MYRIP: variants seen among roughly 807,000 people sequenced by gnomAD.
MYRIP encodes the protein rab effector MyRIP.
A neutral mutation model predicts 98.0 loss-of-function variants in MYRIP; 49 were observed. The ratio of observed to expected loss-of-function variants is 0.50; its 90% confidence interval spans 0.40 to 0.63. The LOEUF is 0.63. MYRIP is among the 30% of genes least tolerant of loss of function. The pLI, the probability that MYRIP is intolerant of heterozygous loss-of-function variation, is 0.00. For synonymous variants in MYRIP, 404 were observed against 409.5 expected, an observed-to-expected ratio of 0.99 and a Z score of 0.16; for missense variants, 1,004 against 1,058.2, an observed-to-expected ratio of 0.95 and a Z score of 0.71.
chr3:40,108,411 C>T (rs1279444142), intron 3 of MYRIP, among the ~76,000 whole-genome samples: 1 of 148,912 alleles, frequency 6.7e-6, no homozygotes, highest in African/African-American at 2.5e-5. Context: ...ACAGGCATGA[C>T]CCTGGGGTGA....
rs2125629997 is a variant in MYRIP at position 40,190,253 on chromosome 3, T to G, written c.1455T>G (p.Ala485=). The change falls in exon 10 of 17, where the codon GCT becomes GCG. Residue 485 remains alanine (A), a synonymous_variant. Transcript: ENST00000302541. Reference sequence around the variant, plus strand: ...GGAAGGCCCCCAGGAACCCTGCAGCTGAGAAGATGCGCTTGCATGGAGAGC... The same window carrying G: ...GGAAGGCCCCCAGGAACCCTGCAGCGGAGAAGATGCGCTTGCATGGAGAGC... The part of the protein sequence containing the change: ...LQRKAPRNPA[A]EKMRLHGELD... The G allele has an allele frequency of 6.2e-7, 1 of 1,613,914 alleles. No individual in the cohort carries two copies. The highest frequency in any genetic ancestry group is 2.2e-5 in the East Asian group (1 of 44,802).
Position 40,161,532 on chromosome 3 carries a change from C to T in MYRIP, c.470-1198C>T, listed in dbSNP as rs540509937. Among the ~76,000 whole-genome samples the T allele has an allele frequency of 2.2e-4, 33 of 152,238 alleles. No homozygotes were observed. In the South Asian group the frequency reaches 5.6e-3, roughly 26 times the overall value. On this transcript the variant is annotated intron_variant, in intron 4 of 16. Transcript: ENST00000302541. ...CACTGTCTCCCTTCTCTGTTGCCTC[C>T]CCCTCCCCTTGGTCTTGCATCTTAT...
rs561995812 is a variant in MYRIP, at chr3:40,122,615, A to C, written c.333-28433A>C. The stretch of plus-strand genomic sequence containing the variant: ...TCATATTAAATTCACATTTAAATAT[A>C]CTTAGTACAACTTTTTCTCATTCAT... On this transcript the variant is annotated intron_variant, in intron 3 of 16. Coordinates refer to ENST00000302541, the MANE Select transcript of MYRIP (RefSeq NM_015460.4). Among the ~76,000 whole-genome samples, 3 of 152,038 alleles carry C rather than the reference A, an allele frequency of 2.0e-5. No homozygotes were observed. The South Asian group carries it at 6.2e-4, about 31-fold the overall frequency.
At chr3:40,072,833 T>TA (rs11339535) in intron 3 of MYRIP, among the ~76,000 whole-genome samples, 3 of 151,788 alleles carry the variant, frequency 2.0e-5, no homozygotes, top group African/African-American at 7.3e-5. Flanking sequence ...TGTTCTTTTT[T>TA]AAAAAAAAAT....
At chr3:40,220,924 C>A (rs1053650516) in intron 11 of MYRIP, among the ~76,000 whole-genome samples, 1 of 151,678 alleles carries the variant, frequency 6.6e-6, no homozygotes, top group Non-Finnish European at 1.5e-5. Context: ...CACTTTCCAC[C>A]AGGCCCCACC....
chr3:39,872,654 A>G (rs1053139303), intron 1 of MYRIP, among the ~76,000 whole-genome samples: 4 of 151,998 alleles, frequency 2.6e-5, no homozygotes, highest in Non-Finnish European at 5.9e-5. Context: ...ATGTCCCTAC[A>G]AAGGACATGA....
rs1454197676 is a variant in MYRIP at position 40,259,734 on chromosome 3, T to TAACA, written c.*1569_*1572dup. The TAACA allele has an allele frequency of 6.6e-6, 1 of 152,590 alleles. No individual in the cohort carries two copies. Among genetic ancestry groups the TAACA allele is most frequent in the Admixed American group, 6.5e-5 (1 of 15,286 alleles). 9.5% of individuals were successfully genotyped at this position (152,590 alleles called of 1,614,324 possible). On this transcript the variant is annotated 3_prime_UTR_variant, in exon 17 of 17. Transcript: ENST00000302541. ...TGCTGATGCTGTGTTATGTGTCATC[T>TAACA]AACAGAAATGACTCCTTTGAAATAA...
chr3:40,135,097 G>A (rs1439391631), intron 3 of MYRIP, among the ~76,000 whole-genome samples: 1 of 152,126 alleles, frequency 6.6e-6, no homozygotes, highest in Non-Finnish European at 1.5e-5. Context: ...GCTACAGGAG[G>A]AAGTTTGAAC....
intron 3 of MYRIP, among the ~76,000 whole-genome samples, chr3:40,070,551 G>A (rs537174977): frequency 4.6e-5 from 7 of 152,224 alleles, no homozygotes; most frequent in African/African-American, 1.2e-4. Flanking sequence ...GACTGATACC[G>A]GTCTGCAAGC....
chr3:40,010,313 G>C (rs1172090723), intron 2 of MYRIP, among the ~76,000 whole-genome samples: 1 of 152,240 alleles, frequency 6.6e-6, no homozygotes, highest in African/African-American at 2.4e-5. Flanking sequence ...GCCTCTGAGA[G>C]TGGCAGCTGA....
In MYRIP at chr3:40,036,324, A is replaced by AAAAAAAAAAC. The variant is rs1553607293; in HGVS notation, c.111-7726_111-7725insAAAAAAAAAC. ...TACCAAAAAAAAAAAAAAAAAAAAA[A>AAAAAAAAAAC]CTTTATTCAAAATGAGCTGTCAACT... On this transcript the variant is annotated intron_variant, in intron 2 of 16. Coordinates refer to ENST00000302541, the MANE Select transcript of MYRIP (RefSeq NM_015460.4). Among the ~76,000 whole-genome samples the AAAAAAAAAAC allele has an allele frequency of 2.0e-4, 25 of 125,648 alleles. 1 individual carries two copies. Among genetic ancestry groups the AAAAAAAAAAC allele is most frequent in the African/African-American group, 5.5e-4 (19 of 34,658 alleles). The allele number at this position is 125,648 out of a possible 152,430, so 82.4% of individuals were successfully genotyped here. A position where few individuals can be genotyped will look rare whatever the true frequency, so the allele number is the denominator to read the frequency against.
At chr3:40,128,693 T>G (rs1490182409) in intron 3 of MYRIP, among the ~76,000 whole-genome samples, 2 of 152,212 alleles carry the variant, frequency 1.3e-5, no homozygotes, top group Non-Finnish European at 2.9e-5. Flanking sequence ...TTATTGCCAT[T>G]GGGTACATTT....
chr3:40,140,449 A>G (rs1949867047), intron 3 of MYRIP, among the ~76,000 whole-genome samples: 2 of 152,182 alleles, frequency 1.3e-5, no homozygotes, highest in South Asian at 4.1e-4. Flanking sequence ...TCTTCGGTAT[A>G]ATGATTTCCT....
intron 1 of MYRIP, among the ~76,000 whole-genome samples, chr3:39,866,673 A>G (rs753193579): frequency 9.9e-5 from 15 of 152,132 alleles, no homozygotes; most frequent in Admixed American, 1.3e-4. Flanking sequence ...CATGGATGAA[A>G]GAAACTGAAA....
rs770394961 is a variant in MYRIP, at chr3:40,233,946, G to A, written c.1993G>A (p.Gly665Arg). Residue 665 changes from glycine (G) to arginine (R), a missense_variant, in exon 12 of 17, where the codon GGG becomes AGG. This residue lies in a region of MYRIP where 880 missense variants were observed against 907.7 expected (regional missense o/e 0.97). Coordinates refer to ENST00000302541, the MANE Select transcript of MYRIP (RefSeq NM_015460.4). ...AGAGGAGTTGATAGCAGGATCTACA[G>A]GGCCCTGGGAGTCCCCACAAGTCCC... is the stretch of plus-strand genomic sequence containing the variant. ...ATEELIAGST[G>R]PWESPQVPPD... 2.5e-6 allele frequency: 4 copies of A among 1,613,972 alleles called. No individual in the cohort carries two copies. Among genetic ancestry groups the A allele is most frequent in the East Asian group, 4.5e-5 (2 of 44,870 alleles).
intron 3 of MYRIP, among the ~76,000 whole-genome samples, chr3:40,093,389 A>G (rs1948764697): frequency 6.6e-6 from 1 of 152,108 alleles, no homozygotes; most frequent in East Asian, 1.9e-4. Flanking sequence ...CAAGACCTCA[A>G]TCCTCTCTAT....
intron 10 of MYRIP, among the ~76,000 whole-genome samples, chr3:40,200,063 T>G (rs928839780): frequency 2.0e-4 from 26 of 127,930 alleles, no homozygotes; most frequent in Middle Eastern, 4.2e-3. Flanking sequence ...CAAGATAAAC[T>G]CGTTGCAGAG....
intron 8 of MYRIP, among the ~76,000 whole-genome samples, chr3:40,172,778 C>T (rs1238510829): frequency 6.6e-6 from 1 of 152,144 alleles, no homozygotes; most frequent in Non-Finnish European, 1.5e-5. Context: ...CCCTTCCTTC[C>T]CCCACACAGC....
chr3:40,218,618 A>ATATATATATATATATTT (rs1399524800), intron 11 of MYRIP, among the ~76,000 whole-genome samples: 30 of 8,828 alleles, frequency 3.4e-3, no homozygotes, highest in African/African-American at 5.4e-3. Flanking sequence ...TATTTTATAT[A>ATATATATATATATATTT]TATATATATA....
Sources: gnomAD v4.1 joint callset for allele counts (sites outside exome capture counted in the v4.1 genomes callset) on GRCh38, gnomAD v4.1.1 for gene constraint, gnomAD v4.1.1 regional missense constraint, MANE v1.5 for transcripts, NCBI Gene and HGNC (gene_info 2026-07-23, HGNC 2026-07-21) for gene names.